RPA3: variants seen among roughly 807,000 people sequenced by gnomAD.
RPA3 encodes the protein replication protein A 14 kDa subunit.
RPA3 carries 24 observed loss-of-function variants against 13.7 expected under a neutral mutation model. The observed-to-expected ratio is 1.75, with a 90% CI of 1.27 to 2.46. The LOEUF is 2.46. RPA3 is among the 30% of genes most tolerant of loss of function. The probability of loss-of-function intolerance (pLI) is 0.00; values close to 1 mark genes in which losing one functional copy is unlikely to be tolerated. For missense variants in RPA3, 183 were observed against 151.0 expected (o/e 1.21, Z -1.11); for synonymous variants, 59 against 51.2 (o/e 1.15, Z -0.65).
chr7:7,665,346 T>G (rs1000628781), intron 4 of RPA3, among the ~76,000 whole-genome samples: 1 of 152,196 alleles, frequency 6.6e-6, no homozygotes, highest in Non-Finnish European at 1.5e-5. Context: ...TAAAAGTCAA[T>G]ACAGTGTCCT....
At chr7:7,705,933 T>C (rs1456925203) in intron 2 of RPA3, among the ~76,000 whole-genome samples, 1 of 152,176 alleles carries the variant, frequency 6.6e-6, no homozygotes, top group Non-Finnish European at 1.5e-5. Context: ...TGTTCAATTT[T>C]GCTATGAACC....
rs534240322 is a variant in RPA3, at chr7:7,683,836, C to T, written c.-758+1994G>A. ...CAGGGTTTCACCATGTTGGCCAGGC[C>T]GGTCTCAAACTCCTGACCTCAGGTG... On this transcript the variant is annotated intron_variant, in intron 4 of 7. Coordinates refer to ENST00000223129, the MANE Select transcript of RPA3 (RefSeq NM_002947.5). Among the ~76,000 whole-genome samples, 38 of 152,064 alleles carry T rather than the reference C, an allele frequency of 2.5e-4. No individual in the cohort carries two copies. In the South Asian group the frequency reaches 3.3e-3, roughly 13 times the overall value.
At chr7:7,639,607 G>A (rs1201757110) in intron 5 of RPA3, among the ~76,000 whole-genome samples, 1 of 152,202 alleles carries the variant, frequency 6.6e-6, no homozygotes, top group Non-Finnish European at 1.5e-5. Flanking sequence ...GCGTTTGAAT[G>A]CCAGCTTTGC....
At chr7:7,654,382 G>A (rs76013433) in intron 4 of RPA3, among the ~76,000 whole-genome samples, 20 of 152,196 alleles carry the variant, frequency 1.3e-4, no homozygotes, top group African/African-American at 4.3e-4. Context: ...TAGTTTTCAA[G>A]ATGACTTTAT....
chr7:7,705,732 A>G (rs1297019482), intron 2 of RPA3, among the ~76,000 whole-genome samples: 6 of 152,214 alleles, frequency 3.9e-5, no homozygotes, highest in Non-Finnish European at 8.8e-5. Flanking sequence ...GTCATTATAA[A>G]TTTGTCCAAA....
intron 4 of RPA3, among the ~76,000 whole-genome samples, chr7:7,681,656 G>A (rs1251070836): frequency 6.6e-6 from 1 of 152,002 alleles, no homozygotes; most frequent in Non-Finnish European, 1.5e-5. Context: ...AAAACAAATT[G>A]CAGTTTTCAT....
At chr7:7,677,823 G>A (rs910586884) in intron 4 of RPA3, among the ~76,000 whole-genome samples, 8 of 150,582 alleles carry the variant, frequency 5.3e-5, no homozygotes, top group Admixed American at 3.3e-4. Context: ...ACAGGCGCCC[G>A]CCACTACGCC....
At chr7:7,703,439 A>AT (rs1277006137) in intron 2 of RPA3, among the ~76,000 whole-genome samples, 2 of 152,184 alleles carry the variant, frequency 1.3e-5, no homozygotes, top group Non-Finnish European at 2.9e-5. Flanking sequence ...CTAATTTCTT[A>AT]TTTATTAAAT....
chr7:7,712,809 G>GT (rs1017906591), intron 2 of RPA3, among the ~76,000 whole-genome samples: 7 of 151,998 alleles, frequency 4.6e-5, no homozygotes, highest in Non-Finnish European at 8.8e-5. Context: ...AATACATTTT[G>GT]TTTTTTTGGG....
chr7:7,653,000 A>G (rs1785258143), intron 4 of RPA3, among the ~76,000 whole-genome samples: 2 of 152,272 alleles, frequency 1.3e-5, no homozygotes, highest in African/African-American at 4.8e-5. Context: ...CTTGCTCCCC[A>G]GTGCTCTAGA....
chr7:7,652,278 A>G (rs1315657860), intron 4 of RPA3, among the ~76,000 whole-genome samples: 1 of 152,086 alleles, frequency 6.6e-6, no homozygotes, highest in South Asian at 2.1e-4. Context: ...CTCTTGGTCG[A>G]TTGTACTTCT....
At chr7:7,715,538 G>A (rs1780879791) in intron 1 of RPA3, among the ~76,000 whole-genome samples, 1 of 152,072 alleles carries the variant, frequency 6.6e-6, no homozygotes, top group Non-Finnish European at 1.5e-5. Context: ...TGTGTGCTAG[G>A]TGCTGTGCTG....
chr7:7,674,730 C>G (rs893033234), intron 4 of RPA3, among the ~76,000 whole-genome samples: 3 of 152,188 alleles, frequency 2.0e-5, no homozygotes, highest in African/African-American at 7.2e-5. Context: ...CAAGTCAGAA[C>G]TGACTCTGTT....
At chr7:7,637,482 C>A (rs554072899) in intron 7 of RPA3, among the ~76,000 whole-genome samples, 11 of 152,080 alleles carry the variant, frequency 7.2e-5, no homozygotes, top group Non-Finnish European at 1.5e-4. Context: ...ACAAAATGTA[C>A]CCCCATTTGC....
intron 4 of RPA3, among the ~76,000 whole-genome samples, chr7:7,653,904 C>T (rs1289558587): frequency 6.6e-6 from 1 of 152,120 alleles, no homozygotes; most frequent in African/African-American, 2.4e-5. Context: ...CTAAGGACAG[C>T]CTCCCACAAC....
intron 4 of RPA3, among the ~76,000 whole-genome samples, chr7:7,645,202 AT>A (rs1183595806): frequency 3.9e-5 from 6 of 152,066 alleles, no homozygotes; most frequent in African/African-American, 9.7e-5. Flanking sequence ...ATTCTTACAT[AT>A]TTTATTTATC....
At chr7:7,691,604 C>G (rs867141744) in intron 2 of RPA3, among the ~76,000 whole-genome samples, 1 of 152,190 alleles carries the variant, frequency 6.6e-6, no homozygotes, top group African/African-American at 2.4e-5. Flanking sequence ...GATCATTTTG[C>G]TGGGGCATAG....
intron 4 of RPA3, among the ~76,000 whole-genome samples, chr7:7,645,282 T>C (rs1366957535): frequency 1.3e-5 from 2 of 152,218 alleles, no homozygotes; most frequent in African/African-American, 4.8e-5. Context: ...TAAGTCAAGA[T>C]GGGGTTTAGC....
intron 5 of RPA3, 42 bp from the exon 6 acceptor site, chr7:7,639,186 A>ACAAAGTT (rs1784912876): frequency 9.5e-6 from 14 of 1,476,684 alleles, no homozygotes; most frequent in Non-Finnish European, 1.3e-5. Context: ...TAAAACAACA[A>ACAAAGTT]CAAAGTTTGA....
Sources: gnomAD v4.1 joint callset for allele counts (sites outside exome capture counted in the v4.1 genomes callset) on GRCh38, gnomAD v4.1.1 for gene constraint, MANE v1.5 for transcripts, NCBI Gene and HGNC (gene_info 2026-07-23, HGNC 2026-07-21) for gene names.